CCDC187: variants seen among roughly 807,000 people sequenced by gnomAD.
The protein encoded by CCDC187 is coiled-coil domain containing 187, also known as coiled-coil domain-containing protein 187.
In CCDC187, 32 loss-of-function variants were observed where a neutral mutation model predicts 38.0. The observed-to-expected ratio is 0.84, with a 90% CI of 0.64 to 1.13. The LOEUF (loss-of-function observed/expected upper bound fraction) is 1.13. CCDC187 is among the 50% of genes most tolerant of loss of function. The pLI is 0.00. For missense variants in CCDC187, 707 were observed against 786.8 expected (o/e 0.90, Z 1.21); for synonymous variants, 333 against 347.9 (o/e 0.96, Z 0.48).
At chr9:136,269,064 A>G (rs367556094) in intron 14 of CCDC187, among the ~76,000 whole-genome samples, 2 of 152,232 alleles carry the variant, frequency 1.3e-5, no homozygotes, top group Non-Finnish European at 2.9e-5. Flanking sequence ...TGGAGTATTC[A>G]GTAGAGAACT....
chr9:136,297,595 C>T (rs1347269600), intron 4 of CCDC187, 119 bp downstream of exon 4: 2 of 391,512 alleles, frequency 5.1e-6, no homozygotes, highest in Non-Finnish European at 9.0e-6. Flanking sequence ...ACCCTGTGTA[C>T]ATGGCAGTCC....
At chr9:136,270,685 C>T (rs1479227912) in intron 14 of CCDC187, among the ~76,000 whole-genome samples, 32 of 152,098 alleles carry the variant, frequency 2.1e-4, no homozygotes, top group Non-Finnish European at 2.9e-5. Flanking sequence ...TGGAGCAGAG[C>T]GTTCCCTGAC....
intron 14 of CCDC187, among the ~76,000 whole-genome samples, chr9:136,272,350 G>A (rs1029493414): frequency 6.6e-6 from 1 of 152,142 alleles, no homozygotes; most frequent in Non-Finnish European, 1.5e-5. Flanking sequence ...ATGTATCGCA[G>A]AGTTTATAAA....
rs1027644626 is a variant in CCDC187 at position 136,300,368 on chromosome 9, A to G, written c.626-50T>C. The G allele has an allele frequency of 3.1e-3, 1,235 of 398,252 alleles. 11 individuals carry two copies. Among genetic ancestry groups the G allele is most frequent in the African/African-American group, 0.022 (1,093 of 48,750 alleles). The allele number at this position is 398,252 out of a possible 1,614,324, so 24.7% of individuals were successfully genotyped here. A position where few individuals can be genotyped will look rare whatever the true frequency, so the allele number is the denominator to read the frequency against. ...GCAGCGTGAGAAGAGAGATCCGCAA[A>G]GAACTTCCAAGAAAAGGTTCCAGTT... On this transcript the variant is annotated intron_variant, in intron 2 of 25. Coordinates refer to ENST00000638797, the MANE Select transcript of CCDC187 (RefSeq NM_001378188.1).
intron 10 of CCDC187, among the ~76,000 whole-genome samples, chr9:136,278,917 T>TC (rs1286201086): frequency 1.3e-5 from 2 of 152,258 alleles, no homozygotes; most frequent in Non-Finnish European, 2.9e-5. Context: ...CCGGAACATT[T>TC]CCCTCATTGC....
chr9:136,255,602 G>A (rs1216280660), intron 25 of CCDC187, 55 bp downstream of exon 25: 3 of 821,110 alleles, frequency 3.7e-6, no homozygotes, highest in Non-Finnish European at 4.4e-6. Context: ...ATGGCTTGGG[G>A]GACCCTTAGT....
At chr9:136,293,975 TGCTCTCACAC>T (rs1337271988) in intron 4 of CCDC187, among the ~76,000 whole-genome samples, 3 of 106,786 alleles carry the variant, frequency 2.8e-5, no homozygotes, top group Non-Finnish European at 5.8e-5. Context: ...TGCCCTCACA[TGCTCTCACAC>T]ACACACTCAC....
At chr9:136,267,553 C>T (rs1026826162) in intron 15 of CCDC187, 42 bp from the exon 16 acceptor site, 17 of 985,584 alleles carry the variant, frequency 1.7e-5, no homozygotes, top group Non-Finnish European at 2.0e-5. Flanking sequence ...GCTCTGGGTT[C>T]GGTGCTTCCG....
At chr9:136,302,202 TA>T (rs1210021791) in intron 2 of CCDC187, among the ~76,000 whole-genome samples, 2 of 151,964 alleles carry the variant, frequency 1.3e-5, no homozygotes, top group African/African-American at 4.8e-5. Flanking sequence ...AAATAAAAAA[TA>T]AATGTAAAAT....
At chr9:136,272,414 C>G (rs1830855272) in intron 14 of CCDC187, among the ~76,000 whole-genome samples, 1 of 151,392 alleles carries the variant, frequency 6.6e-6, no homozygotes. Flanking sequence ...ACAAAAAATA[C>G]AAAAATGGCC....
At chr9:136,274,844 C>T (rs62579952) in intron 13 of CCDC187, 39 bp downstream of exon 13, 16,385 of 152,498 alleles carry the variant, frequency 0.11, 1,202 homozygotes, top group Admixed American at 0.19. Flanking sequence ...TGCATTTCCA[C>T]ATTGGGAGGG....
intron 4 of CCDC187, among the ~76,000 whole-genome samples, chr9:136,293,812 A>T (rs1831448510): frequency 6.6e-6 from 1 of 151,862 alleles, no homozygotes; most frequent in Non-Finnish European, 1.5e-5. Flanking sequence ...ACAGACACAC[A>T]TGCTCTCACA....
At chr9:136,288,289 G>A (rs962885625) in intron 7 of CCDC187, among the ~76,000 whole-genome samples, 4 of 152,292 alleles carry the variant, frequency 2.6e-5, no homozygotes, top group South Asian at 2.1e-4. Flanking sequence ...ATCCCAAAAC[G>A]AGTGCCTTCA....
Position 136,262,143 on chromosome 9 carries a change from C to T in CCDC187, c.4064+168G>A, listed in dbSNP as rs570802046. Among the ~76,000 whole-genome samples, 5 of 152,384 alleles carry T rather than the reference C, an allele frequency of 3.3e-5. No individual in the cohort carries two copies. In the South Asian group the frequency reaches 8.3e-4, roughly 25 times the overall value. ...CAGAGAAGGTTGAGCTGCCACCGGC[C>T]GGCAGAACAGCCCCCAGCCACCCTG... On this transcript the variant is annotated intron_variant, in intron 19 of 25. Coordinates refer to ENST00000638797, the MANE Select transcript of CCDC187 (RefSeq NM_001378188.1).
rs1350746950 is a variant in CCDC187, at chr9:136,290,877, T to G, written c.1736A>C (p.Gln579Pro). The change falls in exon 6 of 26, where the codon CAG becomes CCG. Residue 579 changes from glutamine (Q) to proline (P), a missense_variant. Gln to Pro is a moderately conservative substitution (Grantham distance 76). Transcript: ENST00000638797. ...GCCCTTGCCCTGGGGGCCGGCCCTC[T>G]GCACGCCGGAGCTGCTCCAGGGCCG... ...AQRPWSSSGVQRAGPQGKGRG... is the reference protein window; with the variant it reads ...AQRPWSSSGVPRAGPQGKGRG... The G allele has an allele frequency of 2.5e-6, 1 of 398,428 alleles. No homozygotes were observed. Among genetic ancestry groups the G allele is most frequent in the East Asian group, 3.6e-5 (1 of 28,068 alleles). The allele number at this position is 398,428 out of a possible 1,614,324, so 24.7% of individuals were successfully genotyped here.
At chr9:136,293,832 C>T (rs1831449366) in intron 4 of CCDC187, among the ~76,000 whole-genome samples, 1 of 132,668 alleles carries the variant, frequency 7.5e-6, no homozygotes, top group Non-Finnish European at 1.6e-5. Flanking sequence ...ACTCACACTA[C>T]CACACACTCG....
intron 3 of CCDC187, among the ~76,000 whole-genome samples, chr9:136,299,110 C>A (rs1345381002): frequency 6.6e-6 from 1 of 152,154 alleles, no homozygotes; most frequent in Non-Finnish European, 1.5e-5. Flanking sequence ...TGGGGTCCCC[C>A]TGGAAGGCGG....
At chr9:136,299,746 TCA>T (rs1831628260) in intron 3 of CCDC187, among the ~76,000 whole-genome samples, 1 of 152,116 alleles carries the variant, frequency 6.6e-6, no homozygotes, top group South Asian at 2.1e-4. Context: ...AGCCCCTTCC[TCA>T]CGGGCCTGGG....
chr9:136,269,506 G>C (rs1055447279), intron 14 of CCDC187, among the ~76,000 whole-genome samples: 2 of 152,108 alleles, frequency 1.3e-5, no homozygotes, highest in Admixed American at 1.3e-4. Context: ...AAATTAGCTG[G>C]GCGTGGTGGT....
Sources: allele counts gnomAD v4.1 joint callset (sites outside exome capture counted in the v4.1 genomes callset), GRCh38; gene constraint gnomAD v4.1.1; transcripts MANE v1.5; gene names NCBI Gene and HGNC (gene_info 2026-07-23, HGNC 2026-07-21).